Variants in TDRD1 observed in about 807,000 individuals in gnomAD.
The protein encoded by TDRD1 is tudor domain-containing protein 1.
TDRD1 carries 37 observed loss-of-function variants against 140.6 expected under a neutral mutation model. That is an observed-to-expected ratio of 0.26 (90% confidence interval 0.20 to 0.35). TDRD1 has a LOEUF of 0.35. Among genes scored for constraint, TDRD1 ranks in the 10% least tolerant of loss-of-function variants. TDRD1 has a pLI of 1.00. For synonymous variants in TDRD1, 506 were observed against 475.7 expected (o/e 1.06, Z -0.83); for missense variants, 1,243 against 1,393.0 (o/e 0.89, Z 1.71).
chr10:114,229,268 T>C (rs1405806377), intron 25 of TDRD1, among the ~76,000 whole-genome samples: 1 of 152,252 alleles, frequency 6.6e-6, no homozygotes, highest in African/African-American at 2.4e-5. Context: ...AAGAGGTGGC[T>C]ATAATACTCT....
intron 17 of TDRD1, 91 bp downstream of exon 17, chr10:114,217,746 C>CA: frequency 1.5e-6 from 1 of 666,030 alleles, no homozygotes; most frequent in South Asian, 1.9e-5. Flanking sequence ...AATGCTTAAG[C>CA]AAACATTTTT....
chr10:114,221,748 A>T (rs2036158285), intron 20 of TDRD1, among the ~76,000 whole-genome samples: 1 of 152,206 alleles, frequency 6.6e-6, no homozygotes. Context: ...TTTCTTGTTT[A>T]AAAAACACAT....
At chr10:114,232,549 G>A (rs957995520), downstream of TDRD1, among the ~76,000 whole-genome samples, 6 of 124,350 alleles carry the variant, frequency 4.8e-5, no homozygotes, top group Admixed American at 2.0e-4. Context: ...GGCAATGTAC[G>A]TTGTCTAATC....
chr10:114,189,206 A>T (rs527354476), intron 2 of TDRD1, among the ~76,000 whole-genome samples: 1 of 152,370 alleles, frequency 6.6e-6, no homozygotes, highest in African/African-American at 2.4e-5. Context: ...AGCAGTAAAA[A>T]GTATTCTGTT....
At position 114,179,564 on chromosome 10, in the gene TDRD1, G is replaced by A. The variant is rs2032856748; in HGVS notation, c.-7+148G>A. On this transcript the variant is annotated intron_variant, in intron 1 of 25. Transcript: ENST00000251864. ...AAGGGGCCTGGAAGTGGAGAGAGGA[G>A]ACTTGGAACCTTGCTGCGAGGGTTT... 3 of 152,346 alleles carry A rather than the reference G, an allele frequency of 2.0e-5. No homozygotes were observed. In the South Asian group the frequency reaches 6.2e-4, roughly 32 times the overall value. The allele number at this position is 152,346 out of a possible 1,614,324, so 9.4% of individuals were successfully genotyped here.
intron 13 of TDRD1, 44 bp downstream of exon 13, chr10:114,211,011 AT>A (rs753412037): frequency 2.1e-6 from 3 of 1,454,470 alleles, no homozygotes; most frequent in Non-Finnish European, 2.8e-6. Flanking sequence ...ATTTTTATTT[AT>A]TTTTTACTTA....
intron 3 of TDRD1, among the ~76,000 whole-genome samples, chr10:114,197,982 T>G (rs532776440): frequency 2.6e-5 from 4 of 152,174 alleles, no homozygotes; most frequent in African/African-American, 4.8e-5. Flanking sequence ...ACTTCCTGTT[T>G]CAGCTGGCTT....
rs200920919 is a variant in TDRD1, at chr10:114,226,130, T to C, written c.3089T>C (p.Ile1030Thr). ...GTGCTCTATGCAGACTATGGAAACA[T>C]TGAAACCCTGCCTCTTTGCAGAGTG... Residue 1030 changes from isoleucine to threonine, a missense_variant, in exon 22 of 26, where the codon ATT (isoleucine) becomes ACT (threonine). Transcript: ENST00000251864. 44 of 1,614,102 alleles carry C rather than the reference T, an allele frequency of 2.7e-5. No individual in the cohort carries two copies. Among genetic ancestry groups the C allele is most frequent in the East Asian group, 4.5e-5 (2 of 44,870 alleles).
At chr10:114,217,621 A>G in exon 17 of TDRD1, 2 of 1,605,808 alleles carry the variant, frequency 1.2e-6, no homozygotes, top group Non-Finnish European at 1.7e-6. Flanking sequence ...GTTTCAAGGC[A>G]GAGATAGGAC....
At chr10:114,205,650 C>G (rs2035049113) in intron 10 of TDRD1, among the ~76,000 whole-genome samples, 1 of 152,084 alleles carries the variant, frequency 6.6e-6, no homozygotes. Flanking sequence ...TTCAGGATTT[C>G]AAAGTGAGAT....
intron 4 of TDRD1, among the ~76,000 whole-genome samples, 156 bp downstream of exon 4, chr10:114,199,473 C>T (rs113469950): frequency 1.9e-4 from 29 of 152,350 alleles, no homozygotes; most frequent in African/African-American, 7.0e-4. Context: ...CCTGCTGTTC[C>T]TCTTCACCCA....
chr10:114,211,836 C>G (rs576054868), intron 13 of TDRD1, 30 bp from the exon 14 acceptor site: 2 of 1,486,526 alleles, frequency 1.3e-6, no homozygotes, highest in South Asian at 3.0e-5. Flanking sequence ...GTGGAAAAAT[C>G]ATTTGAGATT....
chr10:114,219,180 A>G (rs1336643031), intron 18 of TDRD1, among the ~76,000 whole-genome samples: 1 of 152,212 alleles, frequency 6.6e-6, no homozygotes, highest in Admixed American at 6.5e-5. Flanking sequence ...AGTGAAGAAA[A>G]CAGGTTATAA....
chr10:114,204,835 C>G (rs772197336), exon 10 of TDRD1: 4 of 1,596,978 alleles, frequency 2.5e-6, no homozygotes, highest in East Asian at 2.3e-5. Context: ...TAAAGATTGT[C>G]GACATCTTGG....
intron 21 of TDRD1, among the ~76,000 whole-genome samples, chr10:114,225,085 A>T (rs1354656907): frequency 6.6e-6 from 1 of 152,102 alleles, no homozygotes; most frequent in Non-Finnish European, 1.5e-5. Context: ...CTTGCCTGCC[A>T]GTGTTAAACT....
intron 16 of TDRD1, among the ~76,000 whole-genome samples, chr10:114,215,647 C>T (rs555731620): frequency 6.6e-6 from 1 of 152,144 alleles, no homozygotes; most frequent in African/African-American, 2.4e-5. Context: ...CTGTCTGACC[C>T]CATAGTTGTG....
At chr10:114,221,301 AAAC>A (rs1323971475) in intron 19 of TDRD1, 53 bp from the exon 20 acceptor site, 2 of 1,545,774 alleles carry the variant, frequency 1.3e-6, no homozygotes, top group Admixed American at 3.6e-5. Context: ...TTACTGAGGA[AAAC>A]AACAGTACAT....
chr10:114,216,172 C>T (rs1048361248), intron 16 of TDRD1, among the ~76,000 whole-genome samples: 2 of 152,212 alleles, frequency 1.3e-5, no homozygotes, highest in Non-Finnish European at 2.9e-5. Flanking sequence ...AAGAGACCAA[C>T]AGTGGTATAT....
chr10:114,195,945 T>C (rs1324402370), intron 3 of TDRD1, among the ~76,000 whole-genome samples: 2 of 152,234 alleles, frequency 1.3e-5, no homozygotes, highest in Admixed American at 6.5e-5. Flanking sequence ...GTATCATGTA[T>C]ACACAACTTA....
Sources: gnomAD v4.1 joint callset for allele counts (sites outside exome capture counted in the v4.1 genomes callset) on GRCh38, gnomAD v4.1.1 for gene constraint, MANE v1.5 for transcripts, NCBI Gene and HGNC (gene_info 2026-07-23, HGNC 2026-07-21) for gene names.